SCAF4: variants seen among roughly 807,000 people sequenced by gnomAD.
The protein encoded by SCAF4 is SR-related CTD associated factor 4.
A neutral mutation model predicts 129.8 loss-of-function variants in SCAF4; 25 were observed. The ratio of observed to expected loss-of-function variants is 0.19; its 90% CI spans 0.14 to 0.27. The LOEUF (loss-of-function observed/expected upper bound fraction) is 0.27. SCAF4 is among the 10% of genes least tolerant of loss of function. The probability of loss-of-function intolerance (pLI) is 1.00; values close to 1 mark genes in which losing one functional copy is unlikely to be tolerated. For synonymous variants in SCAF4, 551 were observed against 497.7 expected (o/e 1.11, Z -1.43); for missense variants, 1,246 against 1,457.1 (o/e 0.86, Z 2.36).
intron 7 of SCAF4, among the ~76,000 whole-genome samples, 200 bp from the exon 8 acceptor site, chr21:31,696,950 G>A (rs573938517): frequency 1.3e-5 from 2 of 152,230 alleles, no homozygotes; most frequent in South Asian, 2.1e-4. Context: ...AAAACACACA[G>A]TGTTTTCATT....
intron 15 of SCAF4, 55 bp downstream of exon 15, chr21:31,690,742 A>G (rs1204367801): frequency 3.3e-6 from 5 of 1,507,868 alleles, no homozygotes; most frequent in Admixed American, 1.9e-5. Context: ...TCGATTTGTC[A>G]TATGTACTAC....
At chr21:31,730,877 G>A (rs1202901481) in intron 1 of SCAF4, among the ~76,000 whole-genome samples, 1 of 152,228 alleles carries the variant, frequency 6.6e-6, no homozygotes, top group Non-Finnish European at 1.5e-5. Flanking sequence ...GTAGAAGGGA[G>A]CCGAGGATTA....
Position 31,701,883 on chromosome 21 carries a change from G to T in SCAF4, c.493C>A (p.Pro165Thr). 1 of 1,613,942 alleles carries T rather than the reference G, an allele frequency of 6.2e-7. No individual in the cohort carries two copies. Among genetic ancestry groups the T allele is most frequent in the Non-Finnish European group, 8.5e-7 (1 of 1,179,962 alleles). The change falls in exon 6 of 20, where the codon CCT becomes ACT. Residue 165 changes from proline (P) to threonine (T), a missense_variant. Physicochemically the swap from Pro to Thr is conservative, Grantham distance 38. Transcript: ENST00000286835. Reference protein sequence around the residue: ...PPPPVKVSSEPPTQATPNSVP... With the variant: ...PPPPVKVSSETPTQATPNSVP... ...GAGTTTGGAGTGGCTTGTGTGGGAG[G>T]TTCAGAAGAAACTTTTACTGGAGGT...
rs1601295597 is a variant in SCAF4, at chr21:31,731,749, C to G, written c.-57G>C. On this transcript the variant is annotated 5_prime_UTR_variant, in exon 1 of 20. Transcript: ENST00000286835. ...CGCCGGTCACATAGACCTCGCGCCG[C>G]GGCGGAGCGGGGCTGGGAAACCAGC... 1 of 1,547,366 alleles carries G rather than the reference C, an allele frequency of 6.5e-7. No individual in the cohort carries two copies. The highest frequency in any genetic ancestry group is 2.6e-5 in the East Asian group (1 of 38,272).
At chr21:31,714,184 A>G (rs73353425) in intron 1 of SCAF4, among the ~76,000 whole-genome samples, 3,530 of 152,162 alleles carry the variant, frequency 0.023, 126 homozygotes, top group African/African-American at 0.08. Context: ...TTGTATATGG[A>G]ATGACTCGTA....
chr21:31,708,547 C>T (rs761303356), intron 1 of SCAF4, among the ~76,000 whole-genome samples: 1 of 152,062 alleles, frequency 6.6e-6, no homozygotes. Context: ...AAGGTATATT[C>T]TGTTATAAAA....
intron 19 of SCAF4, among the ~76,000 whole-genome samples, chr21:31,676,351 C>A (rs1283362018): frequency 1.3e-5 from 2 of 152,168 alleles, no homozygotes; most frequent in African/African-American, 4.8e-5. Flanking sequence ...TTTCCCCAAA[C>A]AATCTTCAAT....
chr21:31,712,751 A>C (rs1416444554), intron 1 of SCAF4: 9 of 218,354 alleles, frequency 4.1e-5, no homozygotes, highest in Admixed American at 6.6e-5. Context: ...GCTGGTCTCA[A>C]ACTCCTGACC....
At position 31,696,620 on chromosome 21, in the gene SCAF4, G is replaced by C; in HGVS notation, c.908C>G (p.Pro303Arg). 1 of 1,613,392 alleles carries C rather than the reference G, an allele frequency of 6.2e-7. No homozygotes were observed. Among genetic ancestry groups the C allele is most frequent in the African/African-American group, 1.3e-5 (1 of 75,014 alleles). The change falls in exon 8 of 20, where the codon CCT (proline) becomes CGT (arginine). Residue 303 changes from proline (P) to arginine (R), a missense_variant. Pro to Arg is a moderately radical substitution (Grantham distance 103). Around this residue, in one of 6 missense-constraint regions of SCAF4, gnomAD observed 236 missense variants for 210.0 expected, o/e 1.12. Coordinates refer to ENST00000286835, the MANE Select transcript of SCAF4 (RefSeq NM_020706.2). ...GGCAGCAGCGGGTGCAGCAGCAGCA[G>C]GCACGGTGGCGGTGGGTGCAGGGGG... is the stretch of plus-strand genomic sequence containing the variant. ...AVPPAPTATVPAAAAPAAASP... is the reference protein window; with the variant it reads ...AVPPAPTATVRAAAAPAAASP...
chr21:31,720,212 C>T (rs939826208), intron 1 of SCAF4, among the ~76,000 whole-genome samples: 6 of 152,072 alleles, frequency 3.9e-5, no homozygotes, highest in Admixed American at 6.6e-5. Context: ...AAAATTGATT[C>T]CAGGACATAA....
chr21:31,714,557 T>C (rs1240801532), intron 1 of SCAF4, among the ~76,000 whole-genome samples: 1 of 152,152 alleles, frequency 6.6e-6, no homozygotes, highest in East Asian at 1.9e-4. Flanking sequence ...TGAAGAATGA[T>C]TCATCCTGAT....
chr21:31,691,001 T>TA (rs768310252), intron 14 of SCAF4, 48 bp from the exon 15 acceptor site: 2 of 1,523,840 alleles, frequency 1.3e-6, no homozygotes. Flanking sequence ...AGCAAGGTCG[T>TA]AAGTCTTGAG....
At chr21:31,684,491 AGAGT>A (rs1426283030) in intron 19 of SCAF4, 3 of 153,302 alleles carry the variant, frequency 2.0e-5, no homozygotes, top group African/African-American at 7.2e-5. Flanking sequence ...AAGTAAACTG[AGAGT>A]GAGTGGGAAA....
intron 1 of SCAF4, among the ~76,000 whole-genome samples, chr21:31,707,709 A>C (rs1379566109): frequency 3.9e-5 from 6 of 152,312 alleles, no homozygotes; most frequent in Admixed American, 2.6e-4. Flanking sequence ...TAGGGTATGA[A>C]CCTTTACTAG....
Position 31,721,726 on chromosome 21 carries a change from T to TG in SCAF4, c.30+9936_30+9937insC, listed in dbSNP as rs201757633. Among the ~76,000 whole-genome samples, 58 of 91,512 alleles carry TG rather than the reference T, an allele frequency of 6.3e-4. 1 individual carries two copies. Among genetic ancestry groups the TG allele is most frequent in the African/African-American group, 1.8e-3 (50 of 27,138 alleles). The allele number at this position is 91,512 out of a possible 152,430, so 60.0% of individuals were successfully genotyped here. ...TATTAACATCAAGCAAGAGCAATTC[T>TG]TTTTTTTTTTTTTTTTTTGAGATGG... On this transcript the variant is annotated intron_variant, in intron 1 of 19. Coordinates refer to ENST00000286835, the MANE Select transcript of SCAF4 (RefSeq NM_020706.2).
At position 31,706,352 on chromosome 21, in the gene SCAF4, A is replaced by G; in HGVS notation, c.36T>C (p.Phe12=). ...DAVNAFNQEL[F]SLMDMKPPIS... Reference sequence around the variant, plus strand: ...TGGGAGGTTTCATATCCATAAGCGAAAAGAGCTTAAAAGACAAAAAACAAA... The same window carrying G: ...TGGGAGGTTTCATATCCATAAGCGAGAAGAGCTTAAAAGACAAAAAACAAA... The change falls in exon 2 of 20, where the codon TTT becomes TTC. Residue 12 remains phenylalanine (F), a synonymous_variant. Coordinates refer to ENST00000286835, the MANE Select transcript of SCAF4 (RefSeq NM_020706.2). The G allele has an allele frequency of 6.3e-7, 1 of 1,598,300 alleles. No homozygotes were observed. The highest frequency in any genetic ancestry group is 8.5e-7 in the Non-Finnish European group (1 of 1,171,690).
chr21:31,679,070 C>T (rs1410243112), intron 19 of SCAF4, among the ~76,000 whole-genome samples: 1 of 152,188 alleles, frequency 6.6e-6, no homozygotes, highest in Non-Finnish European at 1.5e-5. Flanking sequence ...AGAATAGAGG[C>T]TACAAGCTCC....
chr21:31,686,818 T>C (rs1288909560), intron 16 of SCAF4, among the ~76,000 whole-genome samples: 1 of 152,174 alleles, frequency 6.6e-6, no homozygotes, highest in Admixed American at 6.5e-5. Flanking sequence ...TATGAGAATC[T>C]AACTAATGCC....
At position 31,706,373 on chromosome 21, in the gene SCAF4, A is replaced by G. The variant is rs760029970; in HGVS notation, c.31-16T>C. The G allele has an allele frequency of 3.2e-6, 5 of 1,552,940 alleles. No individual in the cohort carries two copies. In the South Asian group the frequency reaches 3.5e-5, roughly 11 times the overall value. On this transcript the variant is annotated splice_polypyrimidine_tract_variant and intron_variant, in intron 1 of 19. Transcript: ENST00000286835. ...GCGAAAAGAGCTTAAAAGACAAAAAACAAACAAAAAGTAAAGTTTAACTAT... is the reference window on the plus strand; with the variant it reads ...GCGAAAAGAGCTTAAAAGACAAAAAGCAAACAAAAAGTAAAGTTTAACTAT...
Sources: gnomAD v4.1 joint callset for allele counts (sites outside exome capture counted in the v4.1 genomes callset) on GRCh38, gnomAD v4.1.1 for gene constraint, gnomAD v4.1.1 regional missense constraint, MANE v1.5 for transcripts, NCBI Gene and HGNC (gene_info 2026-07-23, HGNC 2026-07-21) for gene names.